The following SYT1 variants were observed in gnomAD, a reference collection of about 807,000 sequenced individuals.
SYT1 encodes synaptotagmin 1.
In SYT1, 8 loss-of-function variants were observed where a neutral mutation model predicts 44.8. The ratio of observed to expected loss-of-function variants is 0.18; its 90% CI spans 0.10 to 0.32. SYT1 has a LOEUF of 0.32. Ranked by LOEUF, SYT1 falls within the 10% of genes least tolerant of loss-of-function variation. SYT1 has a pLI of 1.00. For missense variants in SYT1, 286 were observed against 509.3 expected, an observed-to-expected ratio of 0.56 and a Z score of 4.22; for synonymous variants, 154 against 188.8, an observed-to-expected ratio of 0.82 and a Z score of 1.51.
chr12:79,367,967 A>G (rs950860838), intron 9 of SYT1, among the ~76,000 whole-genome samples: 1 of 151,798 alleles, frequency 6.6e-6, no homozygotes, highest in Non-Finnish European at 1.5e-5. Context: ...GGTTAGTTAC[A>G]TATGTATACA....
chr12:79,297,212 T>G (rs1232979165), intron 7 of SYT1, among the ~76,000 whole-genome samples: 2 of 152,160 alleles, frequency 1.3e-5, no homozygotes, highest in African/African-American at 2.4e-5. Flanking sequence ...AGGTCCCTCA[T>G]GTATTGTCAG....
chr12:79,136,688 T>G (rs1004505041), intron 3 of SYT1, among the ~76,000 whole-genome samples: 1 of 152,232 alleles, frequency 6.6e-6, no homozygotes, highest in African/African-American at 2.4e-5. Flanking sequence ...TAAATGTTTC[T>G]TCTTGGTCAA....
chr12:79,151,164 G>T (rs73357421), intron 3 of SYT1, among the ~76,000 whole-genome samples: 1,642 of 152,220 alleles, frequency 0.011, 29 homozygotes, highest in African/African-American at 0.037. Flanking sequence ...AACCACACTG[G>T]CTGAGAAATT....
In SYT1 at chr12:79,227,532, G is replaced by A. The variant is rs185862852; in HGVS notation, c.166+9847G>A. 2.2e-4 allele frequency among the ~76,000 whole-genome samples: 34 copies of A among 152,264 alleles called. No individual in the cohort carries two copies. In the East Asian group the frequency reaches 6.4e-3, roughly 29 times the overall value. ...GACTCTTAGTCCAGAATAAGAGCAA[G>A]TGGATTAGGAATAGTTGTATAATTT... On this transcript the variant is annotated intron_variant, in intron 4 of 10. Coordinates refer to ENST00000261205, the MANE Select transcript of SYT1 (RefSeq NM_005639.3).
At chr12:79,052,181 GT>G (rs1226867743) in intron 3 of SYT1, among the ~76,000 whole-genome samples, 3 of 151,984 alleles carry the variant, frequency 2.0e-5, no homozygotes, top group African/African-American at 7.2e-5. Context: ...TCTTCCATTT[GT>G]TTGTATCCTC....
chr12:79,016,338 C>A (rs1342134220), intron 2 of SYT1, among the ~76,000 whole-genome samples: 1 of 152,128 alleles, frequency 6.6e-6, no homozygotes, highest in Non-Finnish European at 1.5e-5. Context: ...AAGGCTGTGT[C>A]TAGTGTGTTT....
At chr12:79,372,907 A>G (rs1883850356) in intron 9 of SYT1, among the ~76,000 whole-genome samples, 1 of 152,178 alleles carries the variant, frequency 6.6e-6, no homozygotes, top group Non-Finnish European at 1.5e-5. Flanking sequence ...AATTCAGTCA[A>G]TACCATGAAC....
intron 8 of SYT1, among the ~76,000 whole-genome samples, chr12:79,333,626 A>T (rs1247626680): frequency 6.6e-6 from 1 of 152,156 alleles, no homozygotes; most frequent in African/African-American, 2.4e-5. Flanking sequence ...CAATGTCTTT[A>T]AAAAATAATG....
chr12:79,354,677 G>C (rs1412840311), intron 9 of SYT1, among the ~76,000 whole-genome samples: 2 of 152,108 alleles, frequency 1.3e-5, no homozygotes, highest in African/African-American at 4.8e-5. Flanking sequence ...ATAACTTGCT[G>C]TTTTTATTGT....
chr12:79,048,492 A>C (rs1592699493), intron 3 of SYT1, among the ~76,000 whole-genome samples: 1 of 151,864 alleles, frequency 6.6e-6, no homozygotes, highest in African/African-American at 2.4e-5. Flanking sequence ...GAGAAAACAC[A>C]TTTCTTTTAC....
intron 3 of SYT1, among the ~76,000 whole-genome samples, chr12:79,049,546 C>T (rs1001875651): frequency 9.9e-5 from 15 of 151,990 alleles, no homozygotes; most frequent in Non-Finnish European, 1.8e-4. Context: ...AAGAGGAATA[C>T]TCTGACTTAA....
At chr12:79,152,941 A>G (rs1022028539) in intron 3 of SYT1, among the ~76,000 whole-genome samples, 1 of 151,744 alleles carries the variant, frequency 6.6e-6, no homozygotes, top group Admixed American at 6.6e-5. Context: ...ACCCATTATT[A>G]TTATCCTTCT....
chr12:78,956,810 C>G (rs1879241681), intron 1 of SYT1, among the ~76,000 whole-genome samples: 1 of 152,058 alleles, frequency 6.6e-6, no homozygotes, highest in Admixed American at 6.6e-5. Context: ...ACATGAAGAA[C>G]TAAAGTTCCT....
intron 2 of SYT1, among the ~76,000 whole-genome samples, chr12:79,006,881 T>C (rs1871125349): frequency 6.6e-6 from 1 of 152,182 alleles, no homozygotes; most frequent in African/African-American, 2.4e-5. Flanking sequence ...AATTAAGATG[T>C]CTTGCATTGA....
intron 1 of SYT1, among the ~76,000 whole-genome samples, chr12:78,876,861 T>TATATTATATGTATTAC (rs1565697795): frequency 1.1e-3 from 5 of 4,426 alleles, no homozygotes; most frequent in Non-Finnish European, 3.9e-3. Context: ...ATATATAATA[T>TATATTATATGTATTAC]ATATAATATA....
At position 79,196,018 on chromosome 12, in the gene SYT1, T is replaced by G. The variant is rs551639187; in HGVS notation, c.-17-21485T>G. ...TTCAACAAATATTTATTATGCAGCT[T>G]CTGTGTGCCAAGTGTTAGCTGAAGG... is the stretch of plus-strand genomic sequence containing the variant. On this transcript the variant is annotated intron_variant, in intron 3 of 10. Coordinates refer to ENST00000261205, the MANE Select transcript of SYT1 (RefSeq NM_005639.3). 1.4e-4 allele frequency among the ~76,000 whole-genome samples: 22 copies of G among 152,324 alleles called. No homozygotes were observed. The South Asian group carries it at 4.6e-3, about 32-fold the overall frequency.
chr12:79,128,135 A>G (rs868807044), intron 3 of SYT1, among the ~76,000 whole-genome samples: 2 of 152,284 alleles, frequency 1.3e-5, no homozygotes, highest in African/African-American at 4.8e-5. Context: ...GCTCACACCT[A>G]TAATCCCAGA....
At chr12:79,121,021 ACAT>A (rs1237590807) in intron 3 of SYT1, among the ~76,000 whole-genome samples, 1 of 151,974 alleles carries the variant, frequency 6.6e-6, no homozygotes, top group African/African-American at 2.4e-5. Context: ...ATATATACAC[ACAT>A]ATTTGTATAT....
chr12:78,990,265 G>A (rs1181903513), intron 2 of SYT1, among the ~76,000 whole-genome samples: 3 of 152,106 alleles, frequency 2.0e-5, no homozygotes, highest in East Asian at 3.9e-4. Context: ...ACCAGGTGCT[G>A]TGCCTGGAGC....
Sources: gnomAD v4.1 joint callset for allele counts (sites outside exome capture counted in the v4.1 genomes callset) on GRCh38, gnomAD v4.1.1 for gene constraint, MANE v1.5 for transcripts, NCBI Gene and HGNC (gene_info 2026-07-23, HGNC 2026-07-21) for gene names.